Variants in MMP28 observed in about 807,000 individuals in gnomAD.
The protein encoded by MMP28 is matrix metallopeptidase 28, also known as matrix metalloproteinase-28.
In MMP28, 55 loss-of-function variants were observed where a neutral mutation model predicts 60.5. The observed-to-expected ratio is 0.91, with a 90% CI of 0.73 to 1.14. The LOEUF is 1.14. MMP28 is among the 50% of genes most tolerant of loss of function. The pLI, the probability that MMP28 is intolerant of heterozygous loss-of-function variation, is 0.00. For synonymous variants in MMP28, 318 were observed against 312.5 expected (o/e 1.02, Z -0.18); for missense variants, 686 against 738.3 (o/e 0.93, Z 0.82).
At chr17:35,770,583 C>T (rs2143252678) in intron 4 of MMP28, among the ~76,000 whole-genome samples, 1 of 152,318 alleles carries the variant, frequency 6.6e-6, no homozygotes, top group East Asian at 1.9e-4. Flanking sequence ...GGGTGCCATT[C>T]CTACTTTTAC....
intron 3 of MMP28, among the ~76,000 whole-genome samples, chr17:35,776,073 A>C (rs999061962): frequency 5.3e-5 from 8 of 151,670 alleles, no homozygotes; most frequent in Admixed American, 3.3e-4. Context: ...ATGGGGTTTC[A>C]CCGTGTTAGC....
intron 2 of MMP28, among the ~76,000 whole-genome samples, chr17:35,760,333 A>G (rs1326017509): frequency 1.3e-5 from 2 of 152,156 alleles, no homozygotes; most frequent in Admixed American, 1.3e-4. Context: ...CTGCCCCCCA[A>G]CAAATACACA....
chr17:35,763,070 C>T (rs587690385), downstream of MMP28, among the ~76,000 whole-genome samples: 124 of 150,212 alleles, frequency 8.3e-4, no homozygotes, highest in South Asian at 0.013. Context: ...TGCAGTGAGC[C>T]GAGATGGCAC....
At chr17:35,765,177 C>T (rs2085909947), downstream of MMP28, 1 of 152,306 alleles carries the variant, frequency 6.6e-6, no homozygotes, top group African/African-American at 2.4e-5. Context: ...TCCCTCTCTA[C>T]CCCAGAACGG....
chr17:35,764,373 C>T (rs782060058), downstream of MMP28: 2 of 1,457,602 alleles, frequency 1.4e-6, no homozygotes, highest in Non-Finnish European at 1.8e-6. Context: ...GGTGCCCGGG[C>T]CCCAGGGAGG....
intron 1 of MMP28, among the ~76,000 whole-genome samples, chr17:35,792,770 A>G (rs1037952447): frequency 2.6e-5 from 4 of 152,190 alleles, no homozygotes; most frequent in African/African-American, 7.2e-5. Flanking sequence ...GTAATGATAA[A>G]GGTAATAACA....
intron 3 of MMP28, among the ~76,000 whole-genome samples, chr17:35,774,198 T>A (rs1226133968): frequency 6.6e-6 from 1 of 152,184 alleles, no homozygotes; most frequent in Non-Finnish European, 1.5e-5. Flanking sequence ...CCAGCCCCCG[T>A]CAACTGAGTC....
chr17:35,782,892 T>A (rs541989515), intron 1 of MMP28, among the ~76,000 whole-genome samples: 1 of 152,268 alleles, frequency 6.6e-6, no homozygotes, highest in South Asian at 2.1e-4. Context: ...AGTGGCGCCA[T>A]CTCAGCTCAC....
At position 35,766,974 on chromosome 17, in the gene MMP28, T is replaced by A. The variant is rs2085964914; in HGVS notation, c.1169-80A>T. On this transcript the variant is annotated intron_variant, in intron 7 of 7. Transcript: ENST00000605424. The surrounding 1 kb of genome is among the most constrained non-coding windows in gnomAD (Gnocchi z 4.3). ...CTACCCCACTTCTGTCCCCCATACC[T>A]CTGCTCTCCTTTAAGCTGGAGCCCA... The A allele has an allele frequency of 3.8e-6, 5 of 1,316,080 alleles. No individual in the cohort carries two copies. The highest frequency in any genetic ancestry group is 5.3e-6 in the Non-Finnish European group (5 of 944,098). The allele number at this position is 1,316,080 out of a possible 1,614,324, so 81.5% of individuals were successfully genotyped here. A position where few individuals can be genotyped will look rare whatever the true frequency, so the allele number is the denominator to read the frequency against.
chr17:35,791,801 G>A lies in MMP28; in HGVS notation c.111+3466C>T, dbSNP rs115371426. On this transcript the variant is annotated intron_variant, in intron 1 of 7. Transcript: ENST00000605424. The stretch of plus-strand genomic sequence containing the variant: ...TCCTGTTCTCAATCACATAGCAGCT[G>A]TTCTCTGGTAAGCATCACACAGTCT... Among the ~76,000 whole-genome samples the A allele has an allele frequency of 6.9e-3, 1,049 of 152,266 alleles. 7 individuals are homozygous for A. The highest frequency in any genetic ancestry group is 0.024 in the African/African-American group (984 of 41,546).
At chr17:35,778,119 C>G (rs2086386901) in intron 3 of MMP28, among the ~76,000 whole-genome samples, 1 of 151,962 alleles carries the variant, frequency 6.6e-6, no homozygotes, top group African/African-American at 2.4e-5. Flanking sequence ...CCATTTAACC[C>G]CTGGAATATT....
chr17:35,786,740 C>T (rs2086663412), intron 1 of MMP28, among the ~76,000 whole-genome samples: 1 of 140,932 alleles, frequency 7.1e-6, no homozygotes, highest in South Asian at 2.4e-4. Flanking sequence ...GGTATTCTGC[C>T]TTGATGTGTT....
At chr17:35,784,413 C>T (rs909418534) in intron 1 of MMP28, among the ~76,000 whole-genome samples, 3 of 152,178 alleles carry the variant, frequency 2.0e-5, no homozygotes, top group Non-Finnish European at 4.4e-5. Flanking sequence ...CTCCTTAATG[C>T]TGTCAGGGCT....
In MMP28 at chr17:35,770,263, G is replaced by A. The variant is rs973973035; in HGVS notation, c.654C>T (p.Phe218=). 1.3e-6 allele frequency: 2 copies of A among 1,578,594 alleles called. No individual in the cohort carries two copies. The highest frequency in any genetic ancestry group is 1.8e-5 in the Admixed American group (1 of 56,636). ...TCAGGGACCAGCGCTCATCTTGGTC[G>A]AAGTGCGCTTCGCCGCGGCGGGGCA... ...AFLPRRGEAH[F]DQDERWSLSR... The change falls in exon 5 of 8, where the codon TTC becomes TTT. Residue 218 remains phenylalanine, a synonymous_variant. Coordinates refer to ENST00000605424, the MANE Select transcript of MMP28 (RefSeq NM_024302.5).
At chr17:35,791,485 C>A (rs891451419) in intron 1 of MMP28, among the ~76,000 whole-genome samples, 2 of 152,064 alleles carry the variant, frequency 1.3e-5, no homozygotes, top group Non-Finnish European at 2.9e-5. Flanking sequence ...CCGCAGTGAG[C>A]CATGGCTGTC....
intron 1 of MMP28, among the ~76,000 whole-genome samples, chr17:35,783,931 G>A (rs1466179749): frequency 6.6e-6 from 1 of 152,146 alleles, no homozygotes; most frequent in Non-Finnish European, 1.5e-5. Flanking sequence ...GAGCCAAGCA[G>A]AGCCACTGAA....
At chr17:35,768,414 A>G (rs757955599) in intron 5 of MMP28, 35 bp from the exon 6 acceptor site, 1 of 1,547,074 alleles carries the variant, frequency 6.5e-7, no homozygotes, top group South Asian at 1.2e-5. Context: ...GAGAGAGAAC[A>G]CACATAGGGT....
chr17:35,767,680 C>T, intron 7 of MMP28, 72 bp downstream of exon 7: 2 of 1,519,160 alleles, frequency 1.3e-6, no homozygotes, highest in East Asian at 4.9e-5. Context: ...CCTCTTTTGT[C>T]CTCTTTTGAC....
chr17:35,786,036 C>T (rs1272595801), intron 1 of MMP28, among the ~76,000 whole-genome samples: 3 of 150,766 alleles, frequency 2.0e-5, no homozygotes, highest in South Asian at 2.1e-4. Context: ...GGTAGGTGAG[C>T]GTGTAGTACT....
Sources: allele counts gnomAD v4.1 joint callset (sites outside exome capture counted in the v4.1 genomes callset), GRCh38; gene constraint gnomAD v4.1.1; non-coding constraint Gnocchi (gnomAD v3.1); transcripts MANE v1.5; gene names NCBI Gene and HGNC (gene_info 2026-07-23, HGNC 2026-07-21).